ZC3H12B: variants seen among roughly 807,000 people sequenced by gnomAD.
ZC3H12B encodes probable ribonuclease ZC3H12B.
In ZC3H12B, 7 loss-of-function variants were observed where a neutral mutation model predicts 43.9. The observed-to-expected ratio is 0.16, with a 90% CI of 0.09 to 0.30. The LOEUF (loss-of-function observed/expected upper bound fraction) is 0.30, where lower values mean the gene tolerates loss of function less well. Among genes scored for constraint, ZC3H12B ranks in the 10% least tolerant of loss-of-function variants. The pLI is 1.00. For synonymous variants in ZC3H12B, 222 were observed against 241.7 expected, an observed-to-expected ratio of 0.92 and a Z score of 0.76; for missense variants, 475 against 670.2, an observed-to-expected ratio of 0.71 and a Z score of 3.22.
chrX:65,374,234 G>A (rs1159360552), intron 2 of ZC3H12B, among the ~76,000 whole-genome samples: 1 of 79,734 alleles, frequency 1.3e-5, no homozygotes, highest in Non-Finnish European at 2.2e-5. Context: ...CTATAGTATA[G>A]TAATATATAT....
intron 3 of ZC3H12B, among the ~76,000 whole-genome samples, chrX:65,419,854 C>G (rs2066999293): frequency 9.0e-6 from 1 of 111,624 alleles, no homozygotes; most frequent in African/African-American, 3.3e-5. Flanking sequence ...GACTCCAGCC[C>G]AGCCTCAAGC....
intron 3 of ZC3H12B, among the ~76,000 whole-genome samples, chrX:65,438,499 A>C (rs1417810804): frequency 8.9e-6 from 1 of 112,361 alleles, no homozygotes; most frequent in Non-Finnish European, 1.9e-5. Flanking sequence ...GAGGTGCTAG[A>C]GGAATTAAAG....
chrX:65,411,867 C>A (rs2148068275), intron 3 of ZC3H12B, among the ~76,000 whole-genome samples: 1 of 108,514 alleles, frequency 9.2e-6, no homozygotes, highest in South Asian at 3.9e-4. Context: ...ATCAAAATAT[C>A]TCATGTACCC....
the ZC3H12B span, chrX:65,272,503 C>G: frequency 8.9e-6 from 1 of 111,732 alleles, no homozygotes; most frequent in African/African-American, 3.3e-5. Flanking sequence ...CCAAAGGGGT[C>G]AATTTAAATA....
chrX:65,340,451 C>A, the ZC3H12B span, among the ~76,000 whole-genome samples: 2 of 112,070 alleles, frequency 1.8e-5, no homozygotes, highest in African/African-American at 6.5e-5. Context: ...TAGGACCACC[C>A]ATCAGAGTGT....
At chrX:65,095,492 C>A in the ZC3H12B span, among the ~76,000 whole-genome samples, 2 of 110,912 alleles carry the variant, frequency 1.8e-5, no homozygotes, top group East Asian at 5.7e-4. Context: ...TCATGTCTTA[C>A]CAGTACAGAA....
the ZC3H12B span, among the ~76,000 whole-genome samples, chrX:65,050,636 G>A: frequency 2.7e-5 from 3 of 111,171 alleles, no homozygotes; most frequent in Admixed American, 1.9e-4. Flanking sequence ...ACAAAAGGGT[G>A]TTGAATTTTG....
At chrX:65,502,490 TACA>T (rs761435561) in exon 5 of ZC3H12B, 3 of 1,208,785 alleles carry the variant, frequency 2.5e-6, no homozygotes, top group South Asian at 1.8e-5. Context: ...CTATTCCTCT[TACA>T]ACAACGTGTA....
the ZC3H12B span, among the ~76,000 whole-genome samples, chrX:65,179,110 A>G: frequency 9.0e-6 from 1 of 111,344 alleles, no homozygotes; most frequent in South Asian, 3.7e-4. Flanking sequence ...CTTTGAATGG[A>G]CATCGATGAA....
At chrX:65,081,784 T>C in the ZC3H12B span, among the ~76,000 whole-genome samples, 22 of 112,023 alleles carry the variant, frequency 2.0e-4, no homozygotes, top group Non-Finnish European at 3.6e-4. Flanking sequence ...CAAATGGATC[T>C]AATAGATATT....
the ZC3H12B span, among the ~76,000 whole-genome samples, chrX:65,193,105 G>GA: frequency 2.1e-5 from 2 of 93,918 alleles, no homozygotes; most frequent in Non-Finnish European, 3.8e-5. Context: ...ATATTGGCCT[G>GA]AAGGTTTTTT....
upstream of ZC3H12B, among the ~76,000 whole-genome samples, chrX:65,483,928 G>T (rs2068093486): frequency 9.0e-6 from 1 of 111,445 alleles, no homozygotes; most frequent in South Asian, 3.7e-4. Flanking sequence ...CAAAGGACAT[G>T]ATCTCATTCC....
the ZC3H12B span, among the ~76,000 whole-genome samples, chrX:65,335,380 G>A: frequency 5.4e-5 from 6 of 111,643 alleles, no homozygotes; most frequent in Admixed American, 5.7e-4. Context: ...CTTTAGCCAG[G>A]CCAAACAGCC....
At chrX:65,485,573 CAT>C (rs1309964273), upstream of ZC3H12B, among the ~76,000 whole-genome samples, 2 of 112,468 alleles carry the variant, frequency 1.8e-5, no homozygotes, top group Non-Finnish European at 3.8e-5. Context: ...CTTTTTAACA[CAT>C]GTCATAAGCT....
the ZC3H12B span, among the ~76,000 whole-genome samples, chrX:65,163,140 A>G: frequency 2.7e-5 from 3 of 110,482 alleles, no homozygotes; most frequent in African/African-American, 9.9e-5. Flanking sequence ...TTTGTCTCAG[A>G]GGAATACCTG....
chrX:65,193,053 T>C, the ZC3H12B span, among the ~76,000 whole-genome samples: 5 of 110,095 alleles, frequency 4.5e-5, no homozygotes, highest in Admixed American at 3.9e-4. Flanking sequence ...ATTATAGTTG[T>C]GAGCCACCAC....
At chrX:65,369,373 A>G (rs896232173) in intron 2 of ZC3H12B, among the ~76,000 whole-genome samples, 4 of 111,911 alleles carry the variant, frequency 3.6e-5, no homozygotes, top group African/African-American at 1.3e-4. Flanking sequence ...TTACAAATTA[A>G]AAAACTATCT....
chrX:65,165,383 T>C, the ZC3H12B span, among the ~76,000 whole-genome samples: 5 of 112,197 alleles, frequency 4.5e-5, no homozygotes, highest in African/African-American at 1.6e-4. Flanking sequence ...ATCTAGGTTT[T>C]AAGCCCTGCA....
the ZC3H12B span, among the ~76,000 whole-genome samples, chrX:65,258,068 G>A: frequency 9.0e-6 from 1 of 111,268 alleles, no homozygotes; most frequent in South Asian, 3.7e-4. Context: ...ACCAAAACCT[G>A]GCAGACACAC....
Sources: allele counts gnomAD v4.1 joint callset (sites outside exome capture counted in the v4.1 genomes callset), GRCh38; gene constraint gnomAD v4.1.1; transcripts MANE v1.5; gene names NCBI Gene and HGNC (gene_info 2026-07-23, HGNC 2026-07-21).